Variants in GLIS1 observed in about 807,000 individuals in gnomAD.
The protein encoded by GLIS1 is zinc finger protein GLIS1.
In GLIS1, 24 loss-of-function variants were observed where a neutral mutation model predicts 63.8. That is an observed-to-expected ratio of 0.38 (90% CI 0.27 to 0.53). GLIS1 has a LOEUF of 0.53. GLIS1 is among the 20% of genes least tolerant of loss of function. GLIS1 has a pLI of 0.85. For missense variants in GLIS1, 1,036 were observed against 1,074.1 expected (o/e 0.96, Z 0.50); for synonymous variants, 450 against 482.5 (o/e 0.93, Z 0.88).
intron 2 of GLIS1, among the ~76,000 whole-genome samples, chr1:53,660,261 T>C (rs1017971523): frequency 6.6e-6 from 1 of 152,082 alleles, no homozygotes; most frequent in Admixed American, 6.5e-5. Context: ...CACCCCCACC[T>C]CCACCCATGC....
chr1:53,653,022 A>G (rs146924283), intron 2 of GLIS1, among the ~76,000 whole-genome samples: 1 of 152,366 alleles, frequency 6.6e-6, no homozygotes, highest in Non-Finnish European at 1.5e-5. Context: ...CAGGAGGCTC[A>G]GCGCTTCCTT....
At chr1:53,625,937 G>T (rs141422571) in intron 2 of GLIS1, among the ~76,000 whole-genome samples, 3 of 152,216 alleles carry the variant, frequency 2.0e-5, no homozygotes, top group Non-Finnish European at 2.9e-5. Context: ...CCTATCAGAG[G>T]TGACCTGCCT....
intron 4 of GLIS1, among the ~76,000 whole-genome samples, chr1:53,531,960 C>G (rs1469242266): frequency 6.6e-6 from 1 of 152,102 alleles, no homozygotes; most frequent in Non-Finnish European, 1.5e-5. Context: ...GGGCAGGCAC[C>G]AAAGCATGAA....
At chr1:53,529,751 A>C (rs761173170) in intron 5 of GLIS1, 40 bp downstream of exon 5, 1 of 1,590,766 alleles carries the variant, frequency 6.3e-7, no homozygotes. Flanking sequence ...GTGTGTGGCC[A>C]TCCTCCACCC....
chr1:53,704,037 A>G (rs1037318350), intron 2 of GLIS1, among the ~76,000 whole-genome samples: 2 of 152,256 alleles, frequency 1.3e-5, no homozygotes, highest in Non-Finnish European at 2.9e-5. Context: ...AACATTCTTC[A>G]ATAAGAGGGA....
At chr1:53,508,440 ACCT>A (rs1471977794) in intron 10 of GLIS1, among the ~76,000 whole-genome samples, 1 of 151,940 alleles carries the variant, frequency 6.6e-6, no homozygotes, top group Non-Finnish European at 1.5e-5. Context: ...AGCCCTGGAA[ACCT>A]CCTGTTAGAC....
intron 2 of GLIS1, among the ~76,000 whole-genome samples, chr1:53,644,732 C>T (rs929029638): frequency 1.3e-5 from 2 of 152,244 alleles, no homozygotes; most frequent in African/African-American, 2.4e-5. Flanking sequence ...AAGAATTAAA[C>T]GGTGCATTTG....
At chr1:53,624,543 T>C (rs60430622) in intron 2 of GLIS1, among the ~76,000 whole-genome samples, 5,646 of 145,896 alleles carry the variant, frequency 0.039, 274 homozygotes, top group African/African-American at 0.11. Flanking sequence ...TTAAATCTCT[T>C]TTTTTTTTTT....
In GLIS1 at chr1:53,558,098, C is replaced by T. The variant is rs758353774; in HGVS notation, c.1321-28146G>A. On this transcript the variant is annotated intron_variant, in intron 4 of 10. Coordinates refer to ENST00000628545, the MANE Select transcript of GLIS1 (RefSeq NM_001367484.1). ...GCCCAGCCCTGCAGTGGGTACTGCCCCTCAGGCTGGAAGGGCACACTGTCA... is the reference window on the plus strand; with the variant it reads ...GCCCAGCCCTGCAGTGGGTACTGCCTCTCAGGCTGGAAGGGCACACTGTCA... 1.2e-4 allele frequency among the ~76,000 whole-genome samples: 19 copies of T among 152,158 alleles called. 1 individual carries two copies. Among genetic ancestry groups the T allele is most frequent in the Non-Finnish European group, 1.5e-5 (1 of 68,026 alleles).
intron 4 of GLIS1, among the ~76,000 whole-genome samples, chr1:53,555,861 A>ATGTGTGTGCAGGTGTACTGCAGGTG (rs1569818858): frequency 1.1e-5 from 1 of 92,248 alleles, no homozygotes; most frequent in Non-Finnish European, 2.1e-5. Flanking sequence ...TACTGTAGGT[A>ATGTGTGTGCAGGTGTACTGCAGGTG]TGTGTGTGCA....
At chr1:53,530,100 G>T (rs1024251584) in intron 4 of GLIS1, 148 bp from the exon 5 acceptor site, 1 of 701,208 alleles carries the variant, frequency 1.4e-6, no homozygotes, top group Admixed American at 2.9e-5. Context: ...AGCTCCCCAT[G>T]AAGTGCTCAG....
chr1:53,559,912 TCA>T (rs145004862), intron 4 of GLIS1, among the ~76,000 whole-genome samples: 2 of 151,820 alleles, frequency 1.3e-5, no homozygotes, highest in East Asian at 3.9e-4. Context: ...ACACATATGC[TCA>T]CACACACACA....
At chr1:53,569,649 A>G (rs900005689) in intron 4 of GLIS1, among the ~76,000 whole-genome samples, 13 of 152,148 alleles carry the variant, frequency 8.5e-5, no homozygotes, top group Non-Finnish European at 1.5e-4. Context: ...TTGAAAAGGA[A>G]TAAAATGTTC....
intron 4 of GLIS1, among the ~76,000 whole-genome samples, chr1:53,543,663 A>G (rs1191646273): frequency 6.6e-6 from 1 of 152,218 alleles, no homozygotes; most frequent in African/African-American, 2.4e-5. Flanking sequence ...AACAACAGCC[A>G]CTGCAGTAAG....
intron 2 of GLIS1, among the ~76,000 whole-genome samples, chr1:53,729,692 CTG>C (rs1169691818): frequency 1.3e-5 from 2 of 152,176 alleles, no homozygotes; most frequent in Admixed American, 1.3e-4. Flanking sequence ...GTGAAATATC[CTG>C]TTTCATAAAC....
At chr1:53,577,858 C>T (rs189429261) in intron 4 of GLIS1, among the ~76,000 whole-genome samples, 4 of 152,184 alleles carry the variant, frequency 2.6e-5, no homozygotes, top group Non-Finnish European at 5.9e-5. Flanking sequence ...GGCAGGTAGA[C>T]ATTCTCTCCT....
chr1:53,514,033 A>C (rs542295585), intron 8 of GLIS1, among the ~76,000 whole-genome samples: 3 of 152,350 alleles, frequency 2.0e-5, no homozygotes, highest in African/African-American at 7.2e-5. Context: ...ATGGTCCAGC[A>C]ATTAACACAT....
chr1:53,628,958 G>A (rs960227117), intron 2 of GLIS1, among the ~76,000 whole-genome samples: 5 of 152,078 alleles, frequency 3.3e-5, no homozygotes, highest in African/African-American at 7.2e-5. Context: ...ACATCAGAAC[G>A]ACCTGGGGAA....
At chr1:53,557,019 G>A (rs999927059) in intron 4 of GLIS1, among the ~76,000 whole-genome samples, 3 of 151,920 alleles carry the variant, frequency 2.0e-5, no homozygotes, top group South Asian at 2.1e-4. Flanking sequence ...GAGTGTGTGT[G>A]TGCAGGTTTA....
Sources: gnomAD v4.1 joint callset for allele counts (sites outside exome capture counted in the v4.1 genomes callset) on GRCh38, gnomAD v4.1.1 for gene constraint, MANE v1.5 for transcripts, NCBI Gene and HGNC (gene_info 2026-07-23, HGNC 2026-07-21) for gene names.